Variants in CORO2B observed in about 807,000 individuals in gnomAD.
CORO2B encodes the protein coronin-2B.
In CORO2B, 26 loss-of-function variants were observed where a neutral mutation model predicts 58.8. The observed-to-expected ratio is 0.44, with a 90% confidence interval of 0.32 to 0.61. CORO2B has a LOEUF of 0.61. Ranked by LOEUF, CORO2B falls within the 20% of genes least tolerant of loss-of-function variation. The pLI, the probability that CORO2B is intolerant of heterozygous loss-of-function variation, is 0.04. For missense variants in CORO2B, 460 were observed against 645.1 expected, an observed-to-expected ratio of 0.71 and a Z score of 3.11; for synonymous variants, 242 against 253.8, an observed-to-expected ratio of 0.95 and a Z score of 0.44.
intron 2 of CORO2B, among the ~76,000 whole-genome samples, chr15:68,660,181 A>G (rs1901968012): frequency 6.6e-6 from 1 of 152,218 alleles, no homozygotes; most frequent in South Asian, 2.1e-4. Flanking sequence ...CATGTCATGA[A>G]AGAAGTCAAG....
Position 68,719,440 on chromosome 15 carries a change from G to C in CORO2B, c.1199G>C (p.Gly400Ala). 6.2e-7 allele frequency: 1 copy of C among 1,614,156 alleles called. No homozygotes were observed. Among genetic ancestry groups the C allele is most frequent in the Non-Finnish European group, 8.5e-7 (1 of 1,180,026 alleles). Residue 400 changes from glycine (G) to alanine (A), a missense_variant, in exon 11 of 12, where the codon GGC becomes GCC. Around this residue, in one of 2 missense-constraint regions of CORO2B, gnomAD observed 108 missense variants for 102.1 expected, o/e 1.06. Coordinates refer to ENST00000261861, the MANE Select transcript of CORO2B (RefSeq NM_006091.5). Reference sequence around the variant, plus strand: ...CCCGTGCTGATGTCTTTGAAAGAAGGCTATAAGAAGTCCTCAAAAATGGTA... The same window carrying C: ...CCCGTGCTGATGTCTTTGAAAGAAGCCTATAAGAAGTCCTCAAAAATGGTA... Reference protein sequence around the residue: ...RDPVLMSLKEGYKKSSKMVFK... With the variant: ...RDPVLMSLKEAYKKSSKMVFK...
chr15:68,587,975 T>A (rs1345944314), intron 1 of CORO2B, among the ~76,000 whole-genome samples: 3 of 152,238 alleles, frequency 2.0e-5, no homozygotes, highest in Non-Finnish European at 4.4e-5. Flanking sequence ...CCTTACTGTG[T>A]GACCTTGGGC....
intron 1 of CORO2B, among the ~76,000 whole-genome samples, chr15:68,628,480 T>C (rs1183920328): frequency 6.6e-6 from 1 of 152,238 alleles, no homozygotes; most frequent in African/African-American, 2.4e-5. Context: ...AGTACAACAC[T>C]AAGTGTGAAA....
At chr15:68,628,307 C>G (rs1012891270) in intron 1 of CORO2B, among the ~76,000 whole-genome samples, 1 of 152,178 alleles carries the variant, frequency 6.6e-6, no homozygotes, top group East Asian at 1.9e-4. Flanking sequence ...CTTTCTCTGT[C>G]CCTTCTTGCC....
intron 4 of CORO2B, 103 bp from the exon 5 acceptor site, chr15:68,711,439 T>A: frequency 1.0e-6 from 1 of 1,001,270 alleles, no homozygotes. Flanking sequence ...CCCCAGGCCC[T>A]GCATGGGGCG....
At chr15:68,553,432 A>G in the CORO2B span, among the ~76,000 whole-genome samples, 2 of 152,172 alleles carry the variant, frequency 1.3e-5, no homozygotes, top group African/African-American at 2.4e-5. Flanking sequence ...CTGGAGTGAT[A>G]CAAGGAAGGG....
chr15:68,645,046 G>A lies in CORO2B; in HGVS notation c.16-114G>A. On this transcript the variant is annotated intron_variant, in intron 1 of 11. Transcript: ENST00000261861. The surrounding 1 kb of genome is among the most constrained non-coding windows in gnomAD (Gnocchi z 4.5). ...CATCTCTTCCTGACAGGGGACCCAG[G>A]GCCTGCTCACCTGCTGCACCTCTGA... 4 of 1,043,118 alleles carry A rather than the reference G, an allele frequency of 3.8e-6. No individual in the cohort carries two copies. Among genetic ancestry groups the A allele is most frequent in the Non-Finnish European group, 5.6e-6 (4 of 715,398 alleles). 64.6% of individuals were successfully genotyped at this position (1,043,118 alleles called of 1,614,324 possible).
At chr15:68,627,237 GTGCTGGTCTCGTA>G (rs1566988978) in intron 1 of CORO2B, among the ~76,000 whole-genome samples, 1 of 152,116 alleles carries the variant, frequency 6.6e-6, no homozygotes, top group Non-Finnish European at 1.5e-5. Flanking sequence ...GTATGATTTT[GTGCTGGTCTCGTA>G]TGAGGGATTC....
chr15:68,724,455 G>T (rs751384447), intron 11 of CORO2B, among the ~76,000 whole-genome samples: 1 of 152,068 alleles, frequency 6.6e-6, no homozygotes, highest in Non-Finnish European at 1.5e-5. Flanking sequence ...AGACATTGAG[G>T]TATAATTTGC....
chr15:68,535,468 T>C, the CORO2B span, among the ~76,000 whole-genome samples: 1 of 152,202 alleles, frequency 6.6e-6, no homozygotes, highest in African/African-American at 2.4e-5. Context: ...TTAAATGAGA[T>C]GAAGTATGTC....
chr15:68,579,322 C>T (rs1256062423), intron 1 of CORO2B, 45 bp downstream of exon 1: 4 of 1,271,532 alleles, frequency 3.1e-6, no homozygotes, highest in Non-Finnish European at 9.9e-7. Flanking sequence ...CCGGCGCCTG[C>T]ATCCCCCGGG....
intron 1 of CORO2B, among the ~76,000 whole-genome samples, chr15:68,621,500 G>C (rs1900517523): frequency 6.6e-6 from 1 of 152,196 alleles, no homozygotes; most frequent in South Asian, 2.1e-4. Flanking sequence ...GACCTGCCCA[G>C]GGTTCCACAC....
rs1201450703 is a variant in CORO2B at position 68,727,044 on chromosome 15, G to A, written c.*1070G>A. 6.5e-6 allele frequency: 1 copy of A among 152,676 alleles called. No individual in the cohort carries two copies. Among genetic ancestry groups the A allele is most frequent in the East Asian group, 1.9e-4 (1 of 5,194 alleles). 9.5% of individuals were successfully genotyped at this position (152,676 alleles called of 1,614,324 possible). ...ATCTGAGATGAGGCCTCGTCCTCCT[G>A]GAAGCTGAGGCTGAGAAGGGTGGAG... is the stretch of plus-strand genomic sequence containing the variant. On this transcript the variant is annotated 3_prime_UTR_variant, in exon 12 of 12. Coordinates refer to ENST00000261861, the MANE Select transcript of CORO2B (RefSeq NM_006091.5).
chr15:68,695,749 G>GACCC (rs1276783718), intron 3 of CORO2B, among the ~76,000 whole-genome samples: 1 of 152,072 alleles, frequency 6.6e-6, no homozygotes, highest in Non-Finnish European at 1.5e-5. Context: ...TTTTTCCAAG[G>GACCC]ACCCACACAG....
At chr15:68,697,102 CATGG>C (rs917237379) in intron 3 of CORO2B, among the ~76,000 whole-genome samples, 4 of 151,736 alleles carry the variant, frequency 2.6e-5, no homozygotes, top group African/African-American at 9.7e-5. Flanking sequence ...TCGATGGATG[CATGG>C]ATGGATGGAT....
the CORO2B span, among the ~76,000 whole-genome samples, chr15:68,549,405 C>G: frequency 1.3e-5 from 2 of 151,842 alleles, no homozygotes; most frequent in Non-Finnish European, 2.9e-5. Context: ...TGGTTTTTGT[C>G]TTTTTATGGA....
At chr15:68,668,513 G>A (rs76776184) in intron 2 of CORO2B, among the ~76,000 whole-genome samples, 1,651 of 152,322 alleles carry the variant, frequency 0.011, 36 homozygotes, top group African/African-American at 0.038. Flanking sequence ...GGACCTCTCT[G>A]CAAACTTGAA....
At chr15:68,638,565 G>A (rs933755413) in intron 1 of CORO2B, among the ~76,000 whole-genome samples, 2 of 152,164 alleles carry the variant, frequency 1.3e-5, no homozygotes, top group Non-Finnish European at 2.9e-5. Flanking sequence ...ACACTTTTGT[G>A]TAGGGCCCTG....
chr15:68,652,236 G>T (rs550328511), intron 2 of CORO2B, among the ~76,000 whole-genome samples: 3 of 152,328 alleles, frequency 2.0e-5, no homozygotes, highest in Admixed American at 2.0e-4. Context: ...GAAGGCCAGT[G>T]CCTGTTTTTT....
Sources: allele counts gnomAD v4.1 joint callset (sites outside exome capture counted in the v4.1 genomes callset), GRCh38; gene constraint gnomAD v4.1.1; regional missense constraint gnomAD v4.1.1; non-coding constraint Gnocchi (gnomAD v3.1); transcripts MANE v1.5; gene names NCBI Gene and HGNC (gene_info 2026-07-23, HGNC 2026-07-21).